Variants in PLPP4 observed in about 807,000 individuals in gnomAD.
PLPP4 encodes diacylglycerol pyrophosphate like 2.
PLPP4 carries 20 observed loss-of-function variants against 32.2 expected under a neutral mutation model. The ratio of observed to expected loss-of-function variants is 0.62; its 90% CI spans 0.44 to 0.90. The LOEUF is 0.90. PLPP4 is among the 40% of genes least tolerant of loss of function. The pLI, the probability that PLPP4 is intolerant of heterozygous loss-of-function variation, is 0.00. For synonymous variants in PLPP4, 127 were observed against 133.0 expected (o/e 0.95, Z 0.31); for missense variants, 257 against 353.1 (o/e 0.73, Z 2.18).
At chr10:120,519,716 A>G (rs1846073996) in intron 4 of PLPP4, among the ~76,000 whole-genome samples, 2 of 152,170 alleles carry the variant, frequency 1.3e-5, no homozygotes. Context: ...TAGACTGCTT[A>G]GGCCCTACTG....
intron 1 of PLPP4, among the ~76,000 whole-genome samples, chr10:120,471,048 AT>A (rs1848498643): frequency 6.6e-6 from 1 of 152,152 alleles, no homozygotes; most frequent in African/African-American, 2.4e-5. Context: ...ATACATAGTA[AT>A]TTTTTTGGCT....
At chr10:120,559,918 A>G (rs901526854) in intron 5 of PLPP4, among the ~76,000 whole-genome samples, 1 of 152,220 alleles carries the variant, frequency 6.6e-6, no homozygotes, top group African/African-American at 2.4e-5. Context: ...CAGCTGCGTA[A>G]GATTAACTGT....
At chr10:120,506,177 C>T (rs1004830726) in intron 2 of PLPP4, among the ~76,000 whole-genome samples, 8 of 152,210 alleles carry the variant, frequency 5.3e-5, no homozygotes, top group Non-Finnish European at 7.3e-5. Flanking sequence ...TTCATACCCT[C>T]TATTCTAATG....
intron 5 of PLPP4, among the ~76,000 whole-genome samples, chr10:120,549,950 A>C (rs1847811270): frequency 6.6e-6 from 1 of 151,992 alleles, no homozygotes; most frequent in Admixed American, 6.6e-5. Context: ...GTCTATTTCT[A>C]CTGTTTCTAT....
At chr10:120,504,862 C>A (rs545075310) in intron 2 of PLPP4, among the ~76,000 whole-genome samples, 45 of 152,342 alleles carry the variant, frequency 3.0e-4, no homozygotes, top group African/African-American at 1.0e-3. Flanking sequence ...TTTTTGGCCA[C>A]TAATAAGACT....
At chr10:120,513,202 G>A (rs1225132941) in intron 2 of PLPP4, among the ~76,000 whole-genome samples, 1 of 152,162 alleles carries the variant, frequency 6.6e-6, no homozygotes, top group Non-Finnish European at 1.5e-5. Flanking sequence ...ATGTTCCCAG[G>A]CACATCACCT....
chr10:120,518,653 C>T (rs1846028969), intron 3 of PLPP4, among the ~76,000 whole-genome samples, 180 bp from the exon 4 acceptor site: 1 of 152,110 alleles, frequency 6.6e-6, no homozygotes, highest in South Asian at 2.1e-4. Context: ...AAAGTCCTGG[C>T]ATAATTATAT....
intron 5 of PLPP4, among the ~76,000 whole-genome samples, chr10:120,568,520 T>G (rs1268702373): frequency 6.6e-6 from 1 of 152,214 alleles, no homozygotes; most frequent in East Asian, 1.9e-4. Context: ...CTACTCCTTG[T>G]TGGTGGTTTC....
chr10:120,496,599 C>T (rs1422935461), intron 1 of PLPP4, among the ~76,000 whole-genome samples: 2 of 152,164 alleles, frequency 1.3e-5, no homozygotes, highest in African/African-American at 2.4e-5. Context: ...CCCAATTCCA[C>T]GATCTGTTGT....
intron 5 of PLPP4, among the ~76,000 whole-genome samples, chr10:120,544,204 C>T (rs781124590): frequency 7.9e-5 from 12 of 152,142 alleles, no homozygotes; most frequent in Admixed American, 3.3e-4. Flanking sequence ...TGCTTTCCAC[C>T]GCAGCTGCAT....
rs543371845 is a variant in PLPP4 at position 120,576,916 on chromosome 10, G to T, written c.616+1615G>T. On this transcript the variant is annotated intron_variant, in intron 6 of 6. Coordinates refer to ENST00000398250, the MANE Select transcript of PLPP4 (RefSeq NM_001030059.3). ...TTGTTTCCCACCTATGTGAGTTAGG[G>T]CATTTCCCCATGAAGAATATTACGG... Among the ~76,000 whole-genome samples the T allele has an allele frequency of 3.9e-5, 6 of 152,348 alleles. No individual in the cohort carries two copies. In the South Asian group the frequency reaches 1.2e-3, roughly 32 times the overall value.
rs1846135271 is a variant in PLPP4 at position 120,521,096 on chromosome 10, G to T, written c.445+1G>T. 2 of 1,613,854 alleles carry T rather than the reference G, an allele frequency of 1.2e-6. No homozygotes were observed. Among genetic ancestry groups the T allele is most frequent in the Non-Finnish European group, 1.7e-6 (2 of 1,179,958 alleles). On this transcript the variant is annotated splice_donor_variant, in intron 5 of 6. Transcript: ENST00000398250. LOFTEE classifies it high-confidence loss of function. ...AGCTTCCCCAGCATCCATTCCTCCT[G>T]TAAGTTCATGGCTGGGATTCTCTTA...
chr10:120,543,464 C>T (rs551839286), intron 5 of PLPP4, among the ~76,000 whole-genome samples: 1 of 152,088 alleles, frequency 6.6e-6, no homozygotes, highest in Admixed American at 6.5e-5. Context: ...TAGCCTTTGG[C>T]ATCAAGTCCA....
chr10:120,494,265 G>A (rs754486048), intron 1 of PLPP4, among the ~76,000 whole-genome samples: 2 of 152,140 alleles, frequency 1.3e-5, no homozygotes, highest in Non-Finnish European at 2.9e-5. Context: ...CACTTCATAT[G>A]AATTAATTCA....
intron 4 of PLPP4, among the ~76,000 whole-genome samples, chr10:120,520,289 G>A (rs561770342): frequency 1.7e-4 from 26 of 152,304 alleles, no homozygotes; most frequent in African/African-American, 5.5e-4. Flanking sequence ...AGTGTTCAAG[G>A]TCTCTCAGTG....
In PLPP4 at chr10:120,503,838, C is replaced by T. The variant is rs766993816; in HGVS notation, c.77C>T (p.Pro26Leu). Residue 26 changes from proline to leucine, a missense_variant, in exon 2 of 7, where the codon CCG becomes CTG. Coordinates refer to ENST00000398250, the MANE Select transcript of PLPP4 (RefSeq NM_001030059.3). ...TTCAGTTTTACAGAGTTTTTGGATCCGTTCCAGAGAGTCATCCAGCCAGAA... is the reference window on the plus strand; with the variant it reads ...TTCAGTTTTACAGAGTTTTTGGATCTGTTCCAGAGAGTCATCCAGCCAGAA... The part of the protein sequence containing the change: ...GVFVFTEFLD[P>L]FQRVIQPEEI... The T allele has an allele frequency of 5.0e-5, 80 of 1,613,312 alleles. No individual in the cohort carries two copies. Among genetic ancestry groups the T allele is most frequent in the Non-Finnish European group, 6.5e-5 (77 of 1,179,628 alleles).
chr10:120,563,133 A>G (rs1426677933), intron 5 of PLPP4, among the ~76,000 whole-genome samples: 2 of 152,090 alleles, frequency 1.3e-5, no homozygotes. Flanking sequence ...CAGCTAGTTG[A>G]GAGGCTGAGT....
At chr10:120,517,590 G>C (rs907092005) in intron 3 of PLPP4, among the ~76,000 whole-genome samples, 1 of 152,210 alleles carries the variant, frequency 6.6e-6, no homozygotes. Context: ...TCTGTGGCCT[G>C]TCCCTCCTTT....
At chr10:120,537,994 C>T (rs1589841554) in intron 5 of PLPP4, among the ~76,000 whole-genome samples, 1 of 4,190 alleles carries the variant, frequency 2.4e-4, no homozygotes, top group Non-Finnish European at 4.8e-4. Context: ...CAGGCCCTTT[C>T]TCTCTCTCTC....
Sources: allele counts gnomAD v4.1 joint callset (sites outside exome capture counted in the v4.1 genomes callset), GRCh38; gene constraint gnomAD v4.1.1; transcripts MANE v1.5; gene names NCBI Gene and HGNC (gene_info 2026-07-23, HGNC 2026-07-21).